Variants in SPATA22 observed in about 807,000 individuals in gnomAD.
SPATA22 encodes the protein spermatogenesis-associated protein 22.
Under a neutral mutation model 47.8 loss-of-function variants are expected in SPATA22, and 29 were observed. That is an observed-to-expected ratio of 0.61 (90% CI 0.45 to 0.83). SPATA22 has a LOEUF of 0.83. Ranked by LOEUF, SPATA22 falls within the 40% of genes least tolerant of loss-of-function variation. The pLI is 0.00. For synonymous variants in SPATA22, 133 were observed against 140.9 expected, an observed-to-expected ratio of 0.94 and a Z score of 0.40; for missense variants, 410 against 421.7, an observed-to-expected ratio of 0.97 and a Z score of 0.24.
chr17:3,467,588 T>C (rs763911029), intron 2 of SPATA22, 34 bp from the exon 3 acceptor site: 15 of 1,566,212 alleles, frequency 9.6e-6, no homozygotes, highest in South Asian at 2.4e-5. Flanking sequence ...TAGTACATAA[T>C]AGACAAATAA....
intron 5 of SPATA22, among the ~76,000 whole-genome samples, chr17:3,460,986 A>G (rs2073113441): frequency 6.6e-6 from 1 of 152,094 alleles, no homozygotes; most frequent in Non-Finnish European, 1.5e-5. Context: ...AATACTGGTG[A>G]ATGAAATCTA....
upstream of SPATA22, chr17:3,476,228 T>C: frequency 6.2e-7 from 1 of 1,614,170 alleles, no homozygotes. Context: ...CCCATGGGAA[T>C]GAGCTAACCG....
intron 1 of SPATA22, among the ~76,000 whole-genome samples, chr17:3,477,472 A>C (rs976125601): frequency 2.0e-5 from 3 of 151,860 alleles, no homozygotes; most frequent in Admixed American, 2.0e-4. Context: ...TCTCTTTTTG[A>C]GATGGAGTTT....
At chr17:3,450,401 A>G (rs2072830121) in intron 5 of SPATA22, among the ~76,000 whole-genome samples, 1 of 152,216 alleles carries the variant, frequency 6.6e-6, no homozygotes, top group African/African-American at 2.4e-5. Flanking sequence ...TAAGTTATAA[A>G]CACCACAAAC....
intron 3 of SPATA22, among the ~76,000 whole-genome samples, chr17:3,463,951 GCCTCTCCCTCTGCCTCTC>G (rs1567601742): frequency 5.1e-5 from 2 of 39,180 alleles, no homozygotes; most frequent in South Asian, 2.4e-3. Context: ...CTCTCCCTCT[GCCTCTCCCTCTGCCTCTC>G]CCTCTCCCTC....
At chr17:3,461,401 T>C (rs1471689900) in intron 5 of SPATA22, among the ~76,000 whole-genome samples, 1 of 152,190 alleles carries the variant, frequency 6.6e-6, no homozygotes, top group African/African-American at 2.4e-5. Flanking sequence ...TGACAGCTCA[T>C]GTATTAATTC....
chr17:3,495,300 T>C (rs1358124829), intron 1 of SPATA22, among the ~76,000 whole-genome samples: 10 of 152,172 alleles, frequency 6.6e-5, no homozygotes, highest in Non-Finnish European at 1.3e-4. Flanking sequence ...TAGAGAGCTT[T>C]TAAAAAACAT....
At chr17:3,472,894 A>G (rs7221929), upstream of SPATA22, among the ~76,000 whole-genome samples, 56,014 of 152,070 alleles carry the variant, frequency 0.37, 13,164 homozygotes, top group Non-Finnish European at 0.54. Context: ...TGCCAGAGTA[A>G]GGAACAGCTT....
intron 1 of SPATA22, among the ~76,000 whole-genome samples, chr17:3,493,335 G>C: frequency 6.6e-6 from 1 of 152,082 alleles, no homozygotes; most frequent in Non-Finnish European, 1.5e-5. Context: ...GGCTGAGGCG[G>C]GCGGATCACA....
intron 1 of SPATA22, among the ~76,000 whole-genome samples, chr17:3,497,313 GCCGAGCCAC>G (rs1434646010): frequency 1.3e-5 from 2 of 152,198 alleles, no homozygotes; most frequent in African/African-American, 4.8e-5. Context: ...ATAGTTCTCA[GCCGAGCCAC>G]CCTGTAAATC....
At chr17:3,478,484 G>A (rs563693818) in intron 1 of SPATA22, among the ~76,000 whole-genome samples, 3 of 152,232 alleles carry the variant, frequency 2.0e-5, no homozygotes, top group Admixed American at 6.5e-5. Flanking sequence ...CACAATTCAT[G>A]CTTATCTATT....
chr17:3,454,376 T>C (rs1224310605), intron 5 of SPATA22, among the ~76,000 whole-genome samples: 2 of 152,154 alleles, frequency 1.3e-5, no homozygotes, highest in South Asian at 2.1e-4. Context: ...TGTATACATG[T>C]GCCATGCTGG....
At chr17:3,440,478 A>G (rs1226648895) in intron 8 of SPATA22, 140 bp from the exon 9 acceptor site, 1 of 601,480 alleles carries the variant, frequency 1.7e-6, no homozygotes, top group Admixed American at 3.5e-5. Flanking sequence ...CCCCACTGCT[A>G]ACAAGACAAT....
intron 3 of SPATA22, among the ~76,000 whole-genome samples, chr17:3,464,531 T>G (rs1286994179): frequency 8.2e-6 from 1 of 121,966 alleles, no homozygotes; most frequent in Non-Finnish European, 1.8e-5. Flanking sequence ...ATCTAGGAAG[T>G]GAGAAGCGCC....
At chr17:3,502,065 C>T (rs1567621839) in intron 1 of SPATA22, 1 of 152,148 alleles carries the variant, frequency 6.6e-6, no homozygotes, top group Non-Finnish European at 1.5e-5. Context: ...ATGCAGCGAA[C>T]TTGTTGTTTT....
At chr17:3,464,588 G>A (rs4790493) in intron 3 of SPATA22, among the ~76,000 whole-genome samples, 1 of 122,864 alleles carries the variant, frequency 8.1e-6, no homozygotes, top group South Asian at 2.7e-4. Flanking sequence ...CGTCTCTGCC[G>A]GGCCGCCCAT....
intron 1 of SPATA22, among the ~76,000 whole-genome samples, chr17:3,494,820 C>T (rs2073883639): frequency 6.6e-6 from 1 of 152,176 alleles, no homozygotes; most frequent in Admixed American, 6.5e-5. Flanking sequence ...CTCCTACCCA[C>T]ATTCAGCGGG....
At chr17:3,446,041 C>A (rs2072718947) in intron 7 of SPATA22, among the ~76,000 whole-genome samples, 2 of 152,068 alleles carry the variant, frequency 1.3e-5, no homozygotes, top group African/African-American at 4.8e-5. Flanking sequence ...TGCCTGCATT[C>A]TTTGGCTCAT....
At chr17:3,458,134 A>G (rs2073038220) in intron 5 of SPATA22, among the ~76,000 whole-genome samples, 1 of 152,190 alleles carries the variant, frequency 6.6e-6, no homozygotes, top group Non-Finnish European at 1.5e-5. Context: ...GTAACAAAAA[A>G]CAACACAATT....
Sources: allele counts gnomAD v4.1 joint callset (sites outside exome capture counted in the v4.1 genomes callset), GRCh38; gene constraint gnomAD v4.1.1; transcripts MANE v1.5; gene names NCBI Gene and HGNC (gene_info 2026-07-23, HGNC 2026-07-21).